Variants in VIPR1 observed in about 807,000 individuals in gnomAD.
VIPR1 encodes the protein vasoactive intestinal polypeptide receptor 1.
VIPR1 carries 59 observed loss-of-function variants against 58.8 expected under a neutral mutation model. The ratio of observed to expected loss-of-function variants is 1.00; its 90% CI spans 0.81 to 1.25. The LOEUF (loss-of-function observed/expected upper bound fraction) is 1.25. Among genes scored for constraint, VIPR1 ranks in the 50% most tolerant of loss-of-function variants. VIPR1 has a pLI of 0.00. For synonymous variants in VIPR1, 251 were observed against 242.1 expected (o/e 1.04, Z -0.34); for missense variants, 626 against 602.7 (o/e 1.04, Z -0.40).
chr3:42,505,012 G>C (rs1203008098), intron 1 of VIPR1, among the ~76,000 whole-genome samples: 1 of 150,798 alleles, frequency 6.6e-6, no homozygotes, highest in Non-Finnish European at 1.5e-5. Flanking sequence ...CCCCCGGACA[G>C]CAGGCACAGG....
At position 42,502,731 on chromosome 3, in the gene VIPR1, A is replaced by C. The variant is rs1303045358; in HGVS notation, c.-5A>C. On this transcript the variant is annotated 5_prime_UTR_variant, in exon 1 of 13. Transcript: ENST00000325123. ...GGGCCGCCCGCCGCGGGCTCAGGGCAGACCATGCGCCCGCCAAGTCCGCTG... is the reference window on the plus strand; with the variant it reads ...GGGCCGCCCGCCGCGGGCTCAGGGCCGACCATGCGCCCGCCAAGTCCGCTG... The C allele has an allele frequency of 4.5e-6, 6 of 1,322,568 alleles. No homozygotes were observed. The highest frequency in any genetic ancestry group is 3.1e-5 in the African/African-American group (2 of 64,902). 81.9% of individuals were successfully genotyped at this position (1,322,568 alleles called of 1,614,324 possible).
chr3:42,497,710 G>T (rs538156836), upstream of VIPR1, among the ~76,000 whole-genome samples: 2 of 152,314 alleles, frequency 1.3e-5, no homozygotes, highest in African/African-American at 4.8e-5. Context: ...TACCGTTCTT[G>T]TGGTAGTGAA....
At chr3:42,532,372 A>G in intron 10 of VIPR1, 39 bp downstream of exon 10, 1 of 1,581,452 alleles carries the variant, frequency 6.3e-7, no homozygotes, top group Non-Finnish European at 8.7e-7. Context: ...CAGTACCTCC[A>G]TCCCCAGTCC....
intron 1 of VIPR1, among the ~76,000 whole-genome samples, chr3:42,510,773 A>T (rs1332366791): frequency 1.3e-5 from 2 of 152,102 alleles, no homozygotes; most frequent in Non-Finnish European, 2.9e-5. Flanking sequence ...CATAAACACC[A>T]CAGGCTTCGG....
At position 42,513,777 on chromosome 3, in the gene VIPR1, A is replaced by C. The variant is rs1179941587; in HGVS notation, c.107A>C (p.Glu36Ala). The C allele has an allele frequency of 6.4e-7, 1 of 1,551,356 alleles. No homozygotes were observed. The highest frequency in any genetic ancestry group is 2.4e-5 in the East Asian group (1 of 40,884). ...GGCCAGGCGGCCAGGCTGCAGGAGG[A>C]GTGTGACTATGTGCAGATGATCGAG... ...AGGQAARLQE[E>A]CDYVQMIEVQ... Residue 36 changes from glutamate (E) to alanine (A), a missense_variant, in exon 2 of 13, where the codon GAG becomes GCG. By Grantham distance (107) the Glu-to-Ala change is moderately radical. Transcript: ENST00000325123.
rs530683313 is a variant in VIPR1, at chr3:42,528,028, C to T, written c.541C>T (p.Leu181Phe). The T allele has an allele frequency of 4.3e-6, 7 of 1,614,074 alleles. No homozygotes were observed. In the African/African-American group the frequency reaches 5.3e-5, roughly 12 times the overall value. The change falls in exon 6 of 13, where the codon CTC becomes TTC. Residue 181 changes from leucine (L) to phenylalanine (F), a missense_variant. By Grantham distance (22) the Leu-to-Phe change is conservative. Transcript: ENST00000325123. ...HCTRNYIHMH[L>F]FISFILRAAA... The stretch of plus-strand genomic sequence containing the variant: ...CACGCGGAACTACATCCACATGCAC[C>T]TCTTCATATCCTTCATCCTGAGGGC...
At chr3:42,494,344 A>T (rs1160033082) in intron 1 of VIPR1, among the ~76,000 whole-genome samples, 1 of 152,244 alleles carries the variant, frequency 6.6e-6, no homozygotes, top group Non-Finnish European at 1.5e-5. Flanking sequence ...GATACCTCGT[A>T]GAATATGTTG....
chr3:42,496,292 A>G (rs114787794), intron 1 of VIPR1, among the ~76,000 whole-genome samples: 2 of 152,308 alleles, frequency 1.3e-5, no homozygotes, highest in Non-Finnish European at 2.9e-5. Flanking sequence ...GAGGTAACTA[A>G]TAACATGTCT....
chr3:42,491,279 A>AAATTAAATAATG (rs1452653345), intron 1 of VIPR1, among the ~76,000 whole-genome samples: 2 of 152,248 alleles, frequency 1.3e-5, no homozygotes, highest in African/African-American at 4.8e-5. Context: ...CAAGGAATGA[A>AAATTAAATAATG]AATTAAATAA....
intron 7 of VIPR1, 56 bp downstream of exon 7, chr3:42,530,988 A>G: frequency 6.3e-7 from 1 of 1,596,810 alleles, no homozygotes. Context: ...GGCCTGGAGA[A>G]CTCCCTAGGG....
At chr3:42,526,074 G>A in intron 4 of VIPR1, 81 bp downstream of exon 4, 1 of 1,343,796 alleles carries the variant, frequency 7.4e-7, no homozygotes. Flanking sequence ...ACCGAGGGGT[G>A]TGGTTGCTGT....
chr3:42,489,349 A>C (rs1434968601), exon 1 of VIPR1: 1 of 152,218 alleles, frequency 6.6e-6, no homozygotes, highest in Non-Finnish European at 1.5e-5. Flanking sequence ...CAGTTCCAGC[A>C]AAAGCCCCAG....
Position 42,535,048 on chromosome 3 carries a change from G to A in VIPR1, c.1084G>A (p.Asp362Asn). The A allele has an allele frequency of 6.2e-7, 1 of 1,614,158 alleles. No homozygotes were observed. Among genetic ancestry groups the A allele is most frequent in the Non-Finnish European group, 8.5e-7 (1 of 1,180,018 alleles). Residue 362 changes from aspartate (D) to asparagine (N), a missense_variant, in exon 11 of 13, where the codon GAC becomes AAC. Asp to Asn is a conservative substitution (Grantham distance 23). Transcript: ENST00000325123. ...CTACATCATGTTCGCCTTCTTTCCGGACAATTTTAAGCCTGAAGTGAAGAT... is the reference window on the plus strand; with the variant it reads ...CTACATCATGTTCGCCTTCTTTCCGAACAATTTTAAGCCTGAAGTGAAGAT... ...VHYIMFAFFP[D>N]NFKPEVKMVF...
At chr3:42,520,267 C>T (rs950694728) in intron 3 of VIPR1, among the ~76,000 whole-genome samples, 4 of 152,112 alleles carry the variant, frequency 2.6e-5, no homozygotes, top group African/African-American at 9.7e-5. Context: ...ACAGGTGCGC[C>T]GAGGCCAGAC....
chr3:42,532,538 T>C (rs1701627835), intron 10 of VIPR1: 3 of 620,794 alleles, frequency 4.8e-6, no homozygotes, highest in South Asian at 3.7e-5. Context: ...CTCAGAGCCC[T>C]GCATGCTTCT....
At chr3:42,497,654 A>G (rs1335397925), upstream of VIPR1, among the ~76,000 whole-genome samples, 1 of 152,106 alleles carries the variant, frequency 6.6e-6, no homozygotes, top group Admixed American at 6.6e-5. Context: ...GTGTTGTGGG[A>G]GGGACCTGGT....
chr3:42,534,873 T>C, intron 10 of VIPR1, 102 bp from the exon 11 acceptor site: 1 of 1,458,734 alleles, frequency 6.9e-7, no homozygotes, highest in Non-Finnish European at 9.4e-7. Flanking sequence ...TTCCTGGTCA[T>C]TGTCCCCATC....
chr3:42,525,037 T>C (rs137975860), intron 3 of VIPR1, among the ~76,000 whole-genome samples: 2,241 of 152,240 alleles, frequency 0.015, 36 homozygotes, highest in African/African-American at 0.048. Context: ...TCATGGTGAC[T>C]ATGGCGGTGG....
intron 10 of VIPR1, 49 bp downstream of exon 10, chr3:42,532,382 C>T: frequency 6.4e-7 from 1 of 1,552,462 alleles, no homozygotes; most frequent in Non-Finnish European, 8.9e-7. Flanking sequence ...ATCCCCAGTC[C>T]TCAAATCATC....
Sources: allele counts gnomAD v4.1 joint callset (sites outside exome capture counted in the v4.1 genomes callset), GRCh38; gene constraint gnomAD v4.1.1; transcripts MANE v1.5; gene names NCBI Gene and HGNC (gene_info 2026-07-23, HGNC 2026-07-21).